TBCD: variants seen among roughly 807,000 people sequenced by gnomAD.
TBCD encodes tubulin-specific chaperone D.
In TBCD, 105 loss-of-function variants were observed where a neutral mutation model predicts 169.3. The ratio of observed to expected loss-of-function variants is 0.62; its 90% confidence interval spans 0.53 to 0.73. The LOEUF (loss-of-function observed/expected upper bound fraction) is 0.73, where lower values mean the gene tolerates loss of function less well. TBCD is among the 30% of genes least tolerant of loss of function. The pLI is 0.00. For synonymous variants in TBCD, 700 were observed against 643.9 expected (o/e 1.09, Z -1.32); for missense variants, 1,444 against 1,600.1 (o/e 0.90, Z 1.66).
At chr17:82,838,795 C>T (rs8069699) in intron 13 of TBCD, 427,389 of 985,114 alleles carry the variant, frequency 0.43, 92,882 homozygotes, top group East Asian at 0.54. Flanking sequence ...GGGCTCTTAA[C>T]TCTAGTTTCG....
At chr17:82,783,475 C>T (rs764072549) in intron 7 of TBCD, among the ~76,000 whole-genome samples, 5 of 152,216 alleles carry the variant, frequency 3.3e-5, no homozygotes, top group Non-Finnish European at 5.9e-5. Flanking sequence ...CTGTCATCAT[C>T]GTGAGAGAAA....
rs1417440914 is a variant in TBCD, at chr17:82,864,920, T to C, written c.1319-5304T>C. Among the ~76,000 whole-genome samples the C allele has an allele frequency of 7.7e-6, 1 of 129,154 alleles. No homozygotes were observed. The highest frequency in any genetic ancestry group is 7.8e-5 in the Admixed American group (1 of 12,854). The allele number at this position is 129,154 out of a possible 152,430, so 84.7% of individuals were successfully genotyped here. A position where few individuals can be genotyped will look rare whatever the true frequency, so the allele number is the denominator to read the frequency against. On this transcript the variant is annotated intron_variant, in intron 13 of 38. Coordinates refer to ENST00000355528, the MANE Select transcript of TBCD (RefSeq NM_005993.5). The surrounding 1 kb of genome is among the most constrained non-coding windows in gnomAD (Gnocchi z 6.3). ...GGGCACCGTGGGGACAGCGGGGGCCTGCTTGTGTTGGGGGTGGGGCTCCTT... is the reference window on the plus strand; with the variant it reads ...GGGCACCGTGGGGACAGCGGGGGCCCGCTTGTGTTGGGGGTGGGGCTCCTT...
In TBCD at chr17:82,942,462, G is replaced by A. The variant is rs778804726; in HGVS notation, c.3578G>A (p.Ter1193=). The A allele has an allele frequency of 5.6e-6, 9 of 1,613,854 alleles. No homozygotes were observed. In the South Asian group the frequency reaches 9.9e-5, roughly 18 times the overall value. Residue 1193 remains the stop codon, a stop_retained_variant, in exon 39 of 39, where the codon TGA becomes TAA. Transcript: ENST00000355528. ...PQLVPQPGAC[*] ...TCTCTTCTTCAGCCTGGTGCCTGCTGAAGCCAGTCCTGGAGCCCATACCTC... is the reference window on the plus strand; with the variant it reads ...TCTCTTCTTCAGCCTGGTGCCTGCTAAAGCCAGTCCTGGAGCCCATACCTC...
chr17:82,901,598 G>A (rs1310965009), intron 18 of TBCD, among the ~76,000 whole-genome samples: 1 of 149,060 alleles, frequency 6.7e-6, no homozygotes, highest in African/African-American at 2.5e-5. Context: ...GCTGCCTGGG[G>A]AGCGGCCCAG....
In TBCD at chr17:82,923,869, C is replaced by A. The variant is rs887704005; in HGVS notation, c.2260+136C>A. The A allele has an allele frequency of 1.4e-6, 1 of 704,938 alleles. No homozygotes were observed. Among genetic ancestry groups the A allele is most frequent in the Non-Finnish European group, 2.3e-6 (1 of 429,350 alleles). 43.7% of individuals were successfully genotyped at this position (704,938 alleles called of 1,614,324 possible). A position where few individuals can be genotyped will look rare whatever the true frequency, so the allele number is the denominator to read the frequency against. On this transcript the variant is annotated intron_variant, in intron 26 of 38. Coordinates refer to ENST00000355528, the MANE Select transcript of TBCD (RefSeq NM_005993.5). This position sits in a 1 kb window ranked among gnomAD's most constrained non-coding sequence, Gnocchi z 4.6. ...CGATCATGGCTGGAGTGGGACTGTT[C>A]GGGTCTCAGGTTCCCAGCCGAGGAG... is the stretch of plus-strand genomic sequence containing the variant.
intron 29 of TBCD, among the ~76,000 whole-genome samples, 178 bp from the exon 30 acceptor site, chr17:82,927,727 G>A (rs972892322): frequency 1.3e-5 from 2 of 152,164 alleles, no homozygotes; most frequent in Non-Finnish European, 2.9e-5. Flanking sequence ...CCCTGCACAC[G>A]TCCCTGTAGC....
intron 13 of TBCD, among the ~76,000 whole-genome samples, chr17:82,851,864 G>A (rs547574169): frequency 2.2e-4 from 34 of 152,296 alleles, no homozygotes; most frequent in African/African-American, 6.7e-4. Context: ...CAAAATAGAC[G>A]TTCCGAGAGA....
At chr17:82,805,228 TGGG>T (rs1555690092) in intron 9 of TBCD, among the ~76,000 whole-genome samples, 5 of 151,980 alleles carry the variant, frequency 3.3e-5, no homozygotes, top group Non-Finnish European at 1.5e-5. Flanking sequence ...GAGGGGGAAG[TGGG>T]GGCATGGAGC....
Position 82,922,293 on chromosome 17 carries a change from G to A in TBCD, c.2178+716G>A, listed in dbSNP as rs1293929459. The stretch of plus-strand genomic sequence containing the variant: ...GGAGAATTGCTTGAACTTGGGAGGC[G>A]AAGGTTGCAGTGAACCGAGATCACG... On this transcript the variant is annotated intron_variant, in intron 25 of 38. Transcript: ENST00000355528. The surrounding 1 kb of genome is among the most constrained non-coding windows in gnomAD (Gnocchi z 4.1). 1.3e-5 allele frequency among the ~76,000 whole-genome samples: 2 copies of A among 152,038 alleles called. No individual in the cohort carries two copies. The highest frequency in any genetic ancestry group is 4.8e-5 in the African/African-American group (2 of 41,380).
At chr17:82,838,588 C>T (rs1013438094) in intron 13 of TBCD, 8 of 928,958 alleles carry the variant, frequency 8.6e-6, no homozygotes, top group African/African-American at 7.2e-5. Context: ...ACACCATTGT[C>T]GCCTACCCAC....
At chr17:82,765,539 G>A (rs1259850920) in intron 3 of TBCD, among the ~76,000 whole-genome samples, 1 of 152,190 alleles carries the variant, frequency 6.6e-6, no homozygotes, top group Admixed American at 6.6e-5. Flanking sequence ...TAGTGGCGAG[G>A]CGCATTTCTG....
At chr17:82,897,999 T>C (rs2059606594) in intron 17 of TBCD, among the ~76,000 whole-genome samples, 1 of 150,104 alleles carries the variant, frequency 6.7e-6, no homozygotes, top group African/African-American at 2.5e-5. Context: ...CTGTTTTTCA[T>C]GAGCATTGAG....
At chr17:82,892,599 C>G (rs373821741) in intron 16 of TBCD, among the ~76,000 whole-genome samples, 2 of 152,020 alleles carry the variant, frequency 1.3e-5, no homozygotes, top group African/African-American at 4.8e-5. Context: ...CGTTGACTTG[C>G]GAAGCTATTA....
chr17:82,928,971 A>T, intron 30 of TBCD, 142 bp from the exon 31 acceptor site: 2 of 1,074,296 alleles, frequency 1.9e-6, no homozygotes, highest in African/African-American at 3.2e-5. Context: ...TCAGCTGCCA[A>T]CTCAGCCACC....
Position 82,922,003 on chromosome 17 carries a change from T to C in TBCD, c.2178+426T>C, listed in dbSNP as rs1835375350. On this transcript the variant is annotated intron_variant, in intron 25 of 38. Transcript: ENST00000355528. This position sits in a 1 kb window ranked among gnomAD's most constrained non-coding sequence, Gnocchi z 4.1. Reference sequence around the variant, plus strand: ...CCTGGTCATGTTGTGTGGGTGCCAGTGTGTGTGTGTGTCCCCGGCCACCTG... The same window carrying C: ...CCTGGTCATGTTGTGTGGGTGCCAGCGTGTGTGTGTGTCCCCGGCCACCTG... Among the ~76,000 whole-genome samples, 1 of 151,852 alleles carries C rather than the reference T, an allele frequency of 6.6e-6. No homozygotes were observed. Among genetic ancestry groups the C allele is most frequent in the African/African-American group, 2.4e-5 (1 of 41,366 alleles).
intron 13 of TBCD, among the ~76,000 whole-genome samples, chr17:82,818,322 G>A (rs2052112282): frequency 6.6e-6 from 1 of 152,210 alleles, no homozygotes; most frequent in Non-Finnish European, 1.5e-5. Context: ...ACAGGGCAAG[G>A]GTTCTTTCAG....
Position 82,922,421 on chromosome 17 carries a change from T to C in TBCD, c.2178+844T>C, listed in dbSNP as rs562622041. On this transcript the variant is annotated intron_variant, in intron 25 of 38. Coordinates refer to ENST00000355528, the MANE Select transcript of TBCD (RefSeq NM_005993.5). This position sits in a 1 kb window ranked among gnomAD's most constrained non-coding sequence, Gnocchi z 4.1. ...ATGGTTACCAACGTTGACTAGGTTT[T>C]GATATTGAGGATGAAGAATGGAAGT... 6.6e-6 allele frequency among the ~76,000 whole-genome samples: 1 copy of C among 152,314 alleles called. No homozygotes were observed. Among genetic ancestry groups the C allele is most frequent in the East Asian group, 1.9e-4 (1 of 5,190 alleles).
intron 22 of TBCD, among the ~76,000 whole-genome samples, chr17:82,909,951 G>A (rs2060512039): frequency 1.3e-5 from 2 of 152,218 alleles, no homozygotes; most frequent in Non-Finnish European, 1.5e-5. Flanking sequence ...GTGTCACACA[G>A]TAGGAAGCCT....
chr17:82,858,281 A>G (rs1402405138), intron 13 of TBCD, among the ~76,000 whole-genome samples: 2 of 152,234 alleles, frequency 1.3e-5, no homozygotes, highest in Non-Finnish European at 2.9e-5. Flanking sequence ...ACATATAAAC[A>G]TGAAGTGATC....
Sources: gnomAD v4.1 joint callset for allele counts (sites outside exome capture counted in the v4.1 genomes callset) on GRCh38, gnomAD v4.1.1 for gene constraint, Gnocchi (gnomAD v3.1) non-coding constraint, MANE v1.5 for transcripts, NCBI Gene and HGNC (gene_info 2026-07-23, HGNC 2026-07-21) for gene names.